The following GADL1 variants were observed in gnomAD, a reference collection of about 807,000 sequenced individuals.
GADL1 encodes the protein acidic amino acid decarboxylase GADL1.
In GADL1, 71 loss-of-function variants were observed where a neutral mutation model predicts 69.5. The ratio of observed to expected loss-of-function variants is 1.02; its 90% CI spans 0.84 to 1.25. The LOEUF (loss-of-function observed/expected upper bound fraction) is 1.25, where lower values mean the gene tolerates loss of function less well. GADL1 is among the 50% of genes most tolerant of loss of function. The probability of loss-of-function intolerance (pLI) is 0.00; values close to 1 mark genes in which losing one functional copy is unlikely to be tolerated. For synonymous variants in GADL1, 254 were observed against 214.4 expected, an observed-to-expected ratio of 1.18 and a Z score of -1.62; for missense variants, 737 against 631.8, an observed-to-expected ratio of 1.17 and a Z score of -1.79.
At position 30,854,533 on chromosome 3, in the gene GADL1, A is replaced by C. The variant is rs558324660; in HGVS notation, c.428+166T>G. Among the ~76,000 whole-genome samples, 7 of 152,258 alleles carry C rather than the reference A, an allele frequency of 4.6e-5. No individual in the cohort carries two copies. In the South Asian group the frequency reaches 1.5e-3, roughly 32 times the overall value. On this transcript the variant is annotated intron_variant, in intron 4 of 14. Transcript: ENST00000282538. ...TTCCATCTCACGGTACCACTATTTA[A>C]ATCAAATAGCTATTTGAATACTGAT...
chr3:30,820,893 T>C (rs1046050824), intron 11 of GADL1, among the ~76,000 whole-genome samples: 1 of 151,802 alleles, frequency 6.6e-6, no homozygotes, highest in African/African-American at 2.4e-5. Flanking sequence ...TGTGGCACTA[T>C]TCACAATAGC....
chr3:30,751,574 C>T (rs893625817), intron 14 of GADL1, among the ~76,000 whole-genome samples: 2 of 151,202 alleles, frequency 1.3e-5, no homozygotes, highest in African/African-American at 4.9e-5. Flanking sequence ...AGAAAAAAGG[C>T]TTTCTAGAAC....
At chr3:30,854,338 A>T (rs993609285) in intron 4 of GADL1, among the ~76,000 whole-genome samples, 2 of 152,150 alleles carry the variant, frequency 1.3e-5, no homozygotes, top group African/African-American at 4.8e-5. Flanking sequence ...TAGCATTTTT[A>T]TACCAGATAT....
At chr3:30,753,388 T>C (rs188659407) in intron 14 of GADL1, among the ~76,000 whole-genome samples, 40 of 152,370 alleles carry the variant, frequency 2.6e-4, no homozygotes, top group African/African-American at 6.7e-4. Context: ...GGTTTGTGCA[T>C]AATTTGCATT....
At chr3:30,793,493 T>A (rs547015355) in intron 12 of GADL1, among the ~76,000 whole-genome samples, 4 of 152,310 alleles carry the variant, frequency 2.6e-5, no homozygotes, top group African/African-American at 9.6e-5. Flanking sequence ...GTAAGTGGAC[T>A]CGAAAAGCAG....
At chr3:30,869,058 G>A (rs1461939266) in intron 1 of GADL1, among the ~76,000 whole-genome samples, 3 of 140,346 alleles carry the variant, frequency 2.1e-5, no homozygotes, top group African/African-American at 5.5e-5. Context: ...ACCCAGCCTG[G>A]TGCCTGTGGA....
intron 12 of GADL1, among the ~76,000 whole-genome samples, chr3:30,790,832 A>G (rs1300717347): frequency 6.6e-6 from 1 of 152,152 alleles, no homozygotes; most frequent in Non-Finnish European, 1.5e-5. Context: ...CAAGATTAAT[A>G]TTCATAAGTA....
intron 1 of GADL1, among the ~76,000 whole-genome samples, chr3:30,865,176 C>G (rs1444470272): frequency 6.6e-6 from 1 of 151,866 alleles, no homozygotes; most frequent in South Asian, 2.1e-4. Flanking sequence ...CTCAGGGAGG[C>G]CTTCCTTGAC....
chr3:30,808,731 C>G (rs1441027925), intron 11 of GADL1, among the ~76,000 whole-genome samples: 3 of 152,202 alleles, frequency 2.0e-5, no homozygotes, highest in Non-Finnish European at 1.5e-5. Flanking sequence ...AAATAACCCT[C>G]TCTTCATTTC....
At chr3:30,780,506 C>T (rs9968221) in intron 13 of GADL1, among the ~76,000 whole-genome samples, 31,198 of 152,122 alleles carry the variant, frequency 0.21, 7,220 homozygotes, top group African/African-American at 0.55. Context: ...CAATCCCTTG[C>T]TAATAATTAT....
chr3:30,746,066 G>A lies in GADL1; in HGVS notation c.1393-17651C>T, dbSNP rs111722999. On this transcript the variant is annotated intron_variant, in intron 14 of 14. Coordinates refer to ENST00000282538, the MANE Select transcript of GADL1 (RefSeq NM_207359.3). ...TGCCATGGTGGGGTCTTGGCTCACC[G>A]CAGCCTTCGCTTCCTGGGTTCAAGC... Among the ~76,000 whole-genome samples, 837 of 150,730 alleles carry A rather than the reference G, an allele frequency of 5.6e-3. 7 individuals carry two copies. The highest frequency in any genetic ancestry group is 0.017 in the African/African-American group (681 of 41,092).
chr3:30,840,244 T>A (rs551485668), intron 8 of GADL1, among the ~76,000 whole-genome samples: 1 of 152,158 alleles, frequency 6.6e-6, no homozygotes, highest in Non-Finnish European at 1.5e-5. Context: ...TCTTTCCAAT[T>A]TAACCGACTT....
At chr3:30,807,230 T>A (rs1482093543) in intron 11 of GADL1, among the ~76,000 whole-genome samples, 2 of 152,212 alleles carry the variant, frequency 1.3e-5, no homozygotes, top group African/African-American at 4.8e-5. Flanking sequence ...CACTGCCTGT[T>A]CTTCCTTTGG....
intron 1 of GADL1, among the ~76,000 whole-genome samples, chr3:30,890,389 G>A (rs1245165454): frequency 6.6e-6 from 1 of 151,544 alleles, no homozygotes; most frequent in Admixed American, 6.6e-5. Context: ...GGAAGAAATA[G>A]ATATATAGAA....
intron 14 of GADL1, among the ~76,000 whole-genome samples, chr3:30,747,117 T>C (rs1373340411): frequency 1.3e-5 from 2 of 152,178 alleles, no homozygotes; most frequent in Admixed American, 1.3e-4. Context: ...ATTTTTACTA[T>C]CACAGGCCTG....
At chr3:30,887,623 T>C (rs1698726607) in intron 1 of GADL1, among the ~76,000 whole-genome samples, 1 of 152,138 alleles carries the variant, frequency 6.6e-6, no homozygotes, top group Non-Finnish European at 1.5e-5. Context: ...TTATGAATTA[T>C]TTTGTTATAA....
At chr3:30,874,433 A>G (rs1305940240) in intron 1 of GADL1, among the ~76,000 whole-genome samples, 1 of 151,950 alleles carries the variant, frequency 6.6e-6, no homozygotes, top group Non-Finnish European at 1.5e-5. Flanking sequence ...TCACTGAGAG[A>G]TGGGTTTGGA....
intron 14 of GADL1, among the ~76,000 whole-genome samples, chr3:30,752,448 C>A (rs755398107): frequency 4.7e-5 from 6 of 127,296 alleles, no homozygotes; most frequent in Non-Finnish European, 7.5e-5. Context: ...CGCAGCCAGT[C>A]TCTGCTTTTA....
At chr3:30,785,633 C>G (rs1369412302) in intron 13 of GADL1, among the ~76,000 whole-genome samples, 3 of 152,170 alleles carry the variant, frequency 2.0e-5, no homozygotes, top group Non-Finnish European at 2.9e-5. Flanking sequence ...CTTGGCCTCT[C>G]AAAGTGCTGG....
Sources: gnomAD v4.1 joint callset for allele counts (sites outside exome capture counted in the v4.1 genomes callset) on GRCh38, gnomAD v4.1.1 for gene constraint, MANE v1.5 for transcripts, NCBI Gene and HGNC (gene_info 2026-07-23, HGNC 2026-07-21) for gene names.